Variants in HTT observed in about 807,000 individuals in gnomAD.
HTT encodes huntington disease protein.
In HTT, 104 loss-of-function variants were observed where a neutral mutation model predicts 362.3. The ratio of observed to expected loss-of-function variants is 0.29; its 90% CI spans 0.24 to 0.34. The LOEUF (loss-of-function observed/expected upper bound fraction) is 0.34, where lower values mean the gene tolerates loss of function less well. Among genes scored for constraint, HTT ranks in the 10% least tolerant of loss-of-function variants. The pLI is 1.00. For synonymous variants in HTT, 1,577 were observed against 1,548.7 expected (o/e 1.02, Z -0.43); for missense variants, 3,301 against 3,928.6 (o/e 0.84, Z 4.27).
At chr4:3,177,979 G>A (rs1485344702) in intron 34 of HTT, among the ~76,000 whole-genome samples, 3 of 152,180 alleles carry the variant, frequency 2.0e-5, no homozygotes, top group Non-Finnish European at 4.4e-5. Flanking sequence ...TTTGGGGCAA[G>A]TTACTGTTTC....
intron 59 of HTT, among the ~76,000 whole-genome samples, chr4:3,229,420 A>C (rs1560604167): frequency 9.5e-6 from 1 of 105,690 alleles, no homozygotes; most frequent in African/African-American, 5.1e-5. Flanking sequence ...TGCCACACAC[A>C]GCACACAACC....
chr4:3,083,528 TATACACACAC>T (rs1380864252), intron 1 of HTT, among the ~76,000 whole-genome samples: 897 of 83,912 alleles, frequency 0.011, 9 homozygotes, highest in Middle Eastern at 0.023. Flanking sequence ...TGTCTCTAAA[TATACACACAC>T]ACACACACAC....
In HTT at chr4:3,099,318, T is replaced by G. The variant is rs1439565558; in HGVS notation, c.392T>G (p.Leu131Arg). The G allele has an allele frequency of 6.2e-7, 1 of 1,613,964 alleles. No homozygotes were observed. Among genetic ancestry groups the G allele is most frequent in the East Asian group, 2.2e-5 (1 of 44,890 alleles). The change falls in exon 3 of 67, where the codon CTT becomes CGT. Residue 131 changes from leucine (L) to arginine (R), a missense_variant. Physicochemically the swap from Leu to Arg is moderately radical, Grantham distance 102. Coordinates refer to ENST00000355072, the MANE Select transcript of HTT (RefSeq NM_001388492.1). ...AAACTTCTGGGCATCGCTATGGAAC[T>G]TTTTCTGCTGTGCAGTGATGACGCA... ...FQKLLGIAME[L>R]FLLCSDDAES...
At chr4:3,075,647 C>CGGGGGGGGGGGGGGGGGTGGGGGGGG (rs1560535774) in intron 1 of HTT, among the ~76,000 whole-genome samples, 1 of 61,680 alleles carries the variant, frequency 1.6e-5, no homozygotes, top group Non-Finnish European at 2.9e-5. Flanking sequence ...AGTGGCGGGG[C>CGGGGGGGGGGGGGGGGGTGGGGGGGG]AGGGGGGGGG....
intron 2 of HTT, among the ~76,000 whole-genome samples, chr4:3,098,129 T>A (rs999382824): frequency 6.6e-6 from 1 of 152,388 alleles, no homozygotes; most frequent in African/African-American, 2.4e-5. Flanking sequence ...CTGTTGACAG[T>A]ACTGCTTTGG....
At chr4:3,215,291 T>C in intron 51 of HTT, 80 bp downstream of exon 51, 1 of 1,050,336 alleles carries the variant, frequency 9.5e-7, no homozygotes, top group Non-Finnish European at 1.4e-6. Context: ...TGCACCGCGG[T>C]GAGTGTGGAC....
At chr4:3,236,773 C>G (rs974611606) in intron 64 of HTT, among the ~76,000 whole-genome samples, 1 of 152,174 alleles carries the variant, frequency 6.6e-6, no homozygotes, top group Non-Finnish European at 1.5e-5. Flanking sequence ...CACCACCCCC[C>G]ACTGCTGTGC....
intron 6 of HTT, among the ~76,000 whole-genome samples, chr4:3,112,422 C>T (rs887067348): frequency 2.0e-5 from 3 of 152,216 alleles, no homozygotes; most frequent in South Asian, 2.1e-4. Context: ...CCTATTCCCC[C>T]GTCACTGCTC....
At chr4:3,162,439 G>A (rs1049117670) in intron 29 of HTT, among the ~76,000 whole-genome samples, 6 of 152,180 alleles carry the variant, frequency 3.9e-5, no homozygotes, top group African/African-American at 1.4e-4. Context: ...GTTTAAAATA[G>A]TTTTTTCCAA....
rs2110189841 is a variant in HTT at position 3,132,578 on chromosome 4, A to C, written c.2253A>C (p.Ser751=). ...TCTCCACAGAGGAACAGTATGTCTC[A>C]GACATCTTGAACTACATCGATCATG... ...TTEYPEEQYV[S]DILNYIDHGD... Residue 751 remains serine, a synonymous_variant, in exon 17 of 67, where the codon TCA becomes TCC. Transcript: ENST00000355072. 3 of 1,614,044 alleles carry C rather than the reference A, an allele frequency of 1.9e-6. No homozygotes were observed. Among genetic ancestry groups the C allele is most frequent in the Non-Finnish European group, 2.5e-6 (3 of 1,179,908 alleles).
At chr4:3,166,464 G>A (rs977561858) in intron 29 of HTT, among the ~76,000 whole-genome samples, 3 of 152,210 alleles carry the variant, frequency 2.0e-5, no homozygotes, top group South Asian at 2.1e-4. Flanking sequence ...TGTCAGGCAC[G>A]TATGTTTAAA....
At chr4:3,132,760 C>T in intron 17 of HTT, 40 bp downstream of exon 17, 1 of 1,612,912 alleles carries the variant, frequency 6.2e-7, no homozygotes, top group Non-Finnish European at 8.5e-7. Flanking sequence ...TCTAGTTATG[C>T]TTACTAAGGT....
chr4:3,114,436 G>A (rs145742292), intron 6 of HTT, among the ~76,000 whole-genome samples: 3 of 152,376 alleles, frequency 2.0e-5, no homozygotes, highest in African/African-American at 4.8e-5. Flanking sequence ...CCTGGGAGGC[G>A]ATAAGCCTCT....
intron 49 of HTT, 29 bp from the exon 50 acceptor site, chr4:3,213,929 G>T: frequency 6.7e-7 from 1 of 1,496,460 alleles, no homozygotes; most frequent in Non-Finnish European, 9.0e-7. Flanking sequence ...ACACGAGTGG[G>T]CATTCTGTGA....
At chr4:3,076,622 G>A (rs959060503) in intron 1 of HTT, among the ~76,000 whole-genome samples, 2 of 152,160 alleles carry the variant, frequency 1.3e-5, no homozygotes, top group Non-Finnish European at 2.9e-5. Context: ...CTAGGAGGTA[G>A]GTGTCATAAA....
intron 19 of HTT, 149 bp from the exon 20 acceptor site, chr4:3,135,755 T>G (rs755408314): frequency 7.9e-6 from 4 of 503,998 alleles, no homozygotes; most frequent in Non-Finnish European, 3.6e-6. Context: ...CTCTATTTAT[T>G]TAAAGCCATT....
chr4:3,222,912 C>T (rs930736391), intron 54 of HTT, among the ~76,000 whole-genome samples: 1 of 152,134 alleles, frequency 6.6e-6, no homozygotes. Context: ...TACGCTAACA[C>T]GATATTAATA....
chr4:3,155,504 C>T (rs974700172), intron 27 of HTT, among the ~76,000 whole-genome samples: 5 of 151,458 alleles, frequency 3.3e-5, no homozygotes, highest in African/African-American at 1.2e-4. Flanking sequence ...GGATTACAGG[C>T]ATGAGTCACT....
Position 3,224,810 on chromosome 4 carries a change from A to G in HTT, c.7765+679A>G, listed in dbSNP as rs362317. Among the ~76,000 whole-genome samples, 194 of 152,350 alleles carry G rather than the reference A, an allele frequency of 1.3e-3. 1 individual carries two copies. Among genetic ancestry groups the G allele is most frequent in the African/African-American group, 4.5e-3 (187 of 41,582 alleles). ...GTGCAATGTGTTATACGCAGTGTCT[A>G]TGAGACTCAAATGTTTATTAGGGCG... On this transcript the variant is annotated intron_variant, in intron 56 of 66. Transcript: ENST00000355072.
Sources: allele counts gnomAD v4.1 joint callset (sites outside exome capture counted in the v4.1 genomes callset), GRCh38; gene constraint gnomAD v4.1.1; transcripts MANE v1.5; gene names NCBI Gene and HGNC (gene_info 2026-07-23, HGNC 2026-07-21).